The following MAPRE1 variants were observed in gnomAD, a reference collection of about 807,000 sequenced individuals.
The protein encoded by MAPRE1 is microtubule-associated protein RP/EB family member 1.
A neutral mutation model predicts 32.1 loss-of-function variants in MAPRE1; 5 were observed. That is an observed-to-expected ratio of 0.16 (90% CI 0.08 to 0.33). The LOEUF is 0.33. MAPRE1 is among the 10% of genes least tolerant of loss of function. The probability of loss-of-function intolerance (pLI) is 1.00; values close to 1 mark genes in which losing one functional copy is unlikely to be tolerated. For missense variants in MAPRE1, 209 were observed against 327.2 expected (o/e 0.64, Z 2.79); for synonymous variants, 122 against 118.9 (o/e 1.03, Z -0.17).
chr20:32,832,878 A>G (rs1171182350), intron 2 of MAPRE1, among the ~76,000 whole-genome samples: 2 of 126,322 alleles, frequency 1.6e-5, no homozygotes, highest in African/African-American at 3.1e-5. Flanking sequence ...CAGGAAGTAG[A>G]GGTTGCGGTG....
At chr20:32,834,406 C>A (rs996194894) in intron 3 of MAPRE1, among the ~76,000 whole-genome samples, 1 of 152,182 alleles carries the variant, frequency 6.6e-6, no homozygotes, top group Non-Finnish European at 1.5e-5. Flanking sequence ...GAAACATGGT[C>A]CACCAGGCAT....
At chr20:32,825,797 AATAAAATAAAAT>A in intron 1 of MAPRE1, 116 bp from the exon 2 acceptor site, 1 of 645,166 alleles carries the variant, frequency 1.5e-6, no homozygotes, top group Non-Finnish European at 2.4e-6. Context: ...CTCAAAATAA[AATAAAATAAAAT>A]AAAATAAAAT....
intron 2 of MAPRE1, among the ~76,000 whole-genome samples, chr20:32,832,572 A>G (rs140389441): frequency 2.0e-5 from 3 of 147,726 alleles, no homozygotes; most frequent in Non-Finnish European, 3.0e-5. Context: ...GGCTCAAGTG[A>G]TCCTCCTTCT....
intron 2 of MAPRE1, among the ~76,000 whole-genome samples, chr20:32,829,614 C>G (rs762698957): frequency 3.4e-5 from 5 of 148,548 alleles, no homozygotes; most frequent in African/African-American, 4.9e-5. Context: ...AGCAGAGGAT[C>G]TAGCAGACCA....
chr20:32,830,972 C>T (rs949893309), intron 2 of MAPRE1, among the ~76,000 whole-genome samples: 4 of 152,254 alleles, frequency 2.6e-5, no homozygotes, highest in Admixed American at 2.0e-4. Context: ...GATCCGCCTG[C>T]GTCGGCCTCC....
chr20:32,827,612 C>G (rs978242981), intron 2 of MAPRE1, among the ~76,000 whole-genome samples: 1 of 150,900 alleles, frequency 6.6e-6, no homozygotes, highest in African/African-American at 2.4e-5. Context: ...ACTGCCATTG[C>G]TTGGCCGGGT....
intron 1 of MAPRE1, among the ~76,000 whole-genome samples, chr20:32,824,387 A>T (rs1982784676): frequency 6.6e-6 from 1 of 152,228 alleles, no homozygotes; most frequent in African/African-American, 2.4e-5. Context: ...AAGGGAGGGA[A>T]GAGAATGTGG....
At chr20:32,842,487 T>G (rs1052852438) in intron 5 of MAPRE1, among the ~76,000 whole-genome samples, 2 of 152,208 alleles carry the variant, frequency 1.3e-5, no homozygotes, top group Non-Finnish European at 2.9e-5. Flanking sequence ...TAATAAGGCT[T>G]GGAGAGGTTA....
intron 6 of MAPRE1, 88 bp from the exon 7 acceptor site, chr20:32,848,584 T>C (rs1983568129): frequency 5.1e-6 from 5 of 989,388 alleles, no homozygotes; most frequent in East Asian, 5.0e-5. Flanking sequence ...AGAACCATTG[T>C]TTTTAAGAGG....
At chr20:32,844,475 C>T (rs1292278610) in intron 5 of MAPRE1, among the ~76,000 whole-genome samples, 2 of 50,856 alleles carry the variant, frequency 3.9e-5, no homozygotes, top group African/African-American at 1.3e-4. Context: ...TTTTTTGTGG[C>T]GTGATCTCAG....
rs1199154499 is a variant in MAPRE1 at position 32,838,491 on chromosome 20, A to C, written c.476-1244A>C. Among the ~76,000 whole-genome samples the C allele has an allele frequency of 3.3e-5, 5 of 152,286 alleles. No individual in the cohort carries two copies. The East Asian group carries it at 9.6e-4, about 29-fold the overall frequency. ...GGACCTACAAGTTTTGATTTCTCTCAGTTACAGACCCAAGAGTATATACTC... is the reference window on the plus strand; with the variant it reads ...GGACCTACAAGTTTTGATTTCTCTCCGTTACAGACCCAAGAGTATATACTC... On this transcript the variant is annotated intron_variant, in intron 4 of 6. Coordinates refer to ENST00000375571, the MANE Select transcript of MAPRE1 (RefSeq NM_012325.3).
At chr20:32,828,776 A>C (rs1325973421) in intron 2 of MAPRE1, among the ~76,000 whole-genome samples, 1 of 152,204 alleles carries the variant, frequency 6.6e-6, no homozygotes, top group African/African-American at 2.4e-5. Context: ...TTTGAACCAG[A>C]TCTTTCTGAG....
At chr20:32,832,540 C>T (rs1983064102) in intron 2 of MAPRE1, among the ~76,000 whole-genome samples, 2 of 148,656 alleles carry the variant, frequency 1.3e-5, no homozygotes, top group African/African-American at 5.0e-5. Flanking sequence ...GATCATGGCT[C>T]ACTGCAGTCC....
intron 2 of MAPRE1, 107 bp from the exon 3 acceptor site, chr20:32,833,610 G>A (rs900176855): frequency 2.0e-6 from 2 of 978,104 alleles, no homozygotes; most frequent in Non-Finnish European, 3.0e-6. Context: ...TTTGGTTTTT[G>A]TAGGTCTACT....
At chr20:32,841,908 T>TA (rs1983374268) in intron 5 of MAPRE1, among the ~76,000 whole-genome samples, 1 of 152,068 alleles carries the variant, frequency 6.6e-6, no homozygotes, top group Non-Finnish European at 1.5e-5. Context: ...ACCACTGGGA[T>TA]AAATGTCAGT....
chr20:32,828,187 G>T (rs146479737), intron 2 of MAPRE1, among the ~76,000 whole-genome samples: 1 of 152,022 alleles, frequency 6.6e-6, no homozygotes, highest in Non-Finnish European at 1.5e-5. Flanking sequence ...GATCTGTGCT[G>T]TGTCCCCCCC....
rs150020966 is a variant in MAPRE1 at position 32,837,671 on chromosome 20, C to A, written c.475+830C>A. Among the ~76,000 whole-genome samples the A allele has an allele frequency of 2.2e-3, 332 of 152,158 alleles. 1 individual carries two copies. The highest frequency in any genetic ancestry group is 7.6e-3 in the African/African-American group (317 of 41,504). ...TAAATAGCTTAATGGAGAGACAATT[C>A]GCATGCCATATAATTATATTTTTAT... On this transcript the variant is annotated intron_variant, in intron 4 of 6. Coordinates refer to ENST00000375571, the MANE Select transcript of MAPRE1 (RefSeq NM_012325.3).
At chr20:32,839,572 T>C (rs1983296402) in intron 4 of MAPRE1, among the ~76,000 whole-genome samples, 163 bp from the exon 5 acceptor site, 2 of 152,156 alleles carry the variant, frequency 1.3e-5, no homozygotes, top group African/African-American at 4.8e-5. Flanking sequence ...AGTAGGCAAA[T>C]GTGGGAGCGT....
At chr20:32,830,842 G>A (rs1291876848) in intron 2 of MAPRE1, among the ~76,000 whole-genome samples, 1 of 151,224 alleles carries the variant, frequency 6.6e-6, no homozygotes, top group African/African-American at 2.4e-5. Flanking sequence ...CTCTGCCTCA[G>A]CCTCCCAAGT....
Sources: gnomAD v4.1 joint callset for allele counts (sites outside exome capture counted in the v4.1 genomes callset) on GRCh38, gnomAD v4.1.1 for gene constraint, MANE v1.5 for transcripts, NCBI Gene and HGNC (gene_info 2026-07-23, HGNC 2026-07-21) for gene names.